XRN2: variants seen among roughly 807,000 people sequenced by gnomAD.
XRN2 encodes the protein DHM1-like protein.
In XRN2, 44 loss-of-function variants were observed where a neutral mutation model predicts 138.5. The observed-to-expected ratio is 0.32, with a 90% CI of 0.25 to 0.41. The LOEUF is 0.41. XRN2 is among the 10% of genes least tolerant of loss of function. The probability of loss-of-function intolerance (pLI) is 1.00; values close to 1 mark genes in which losing one functional copy is unlikely to be tolerated. For synonymous variants in XRN2, 354 were observed against 369.4 expected (o/e 0.96, Z 0.48); for missense variants, 937 against 1,169.3 (o/e 0.80, Z 2.90).
chr20:21,353,710 G>A (rs934326916), intron 20 of XRN2, among the ~76,000 whole-genome samples: 1 of 150,996 alleles, frequency 6.6e-6, no homozygotes, highest in Non-Finnish European at 1.5e-5. Context: ...TGGGAGGATT[G>A]CTTGAGCCTG....
chr20:21,356,558 A>G lies in XRN2; in HGVS notation c.2119-28A>G, dbSNP rs748249596. ...AGTCCCAGTTTTCCATTCTTTGCAT[A>G]TGAGATCAGGAATGCATTTTTCCAC... On this transcript the variant is annotated intron_variant, in intron 22 of 29. Coordinates refer to ENST00000377191, the MANE Select transcript of XRN2 (RefSeq NM_012255.5). 1.1e-5 allele frequency: 17 copies of G among 1,598,294 alleles called. No homozygotes were observed. In the Admixed American group the frequency reaches 2.2e-4, roughly 21 times the overall value.
chr20:21,333,457 G>A lies in XRN2; in HGVS notation c.859-87G>A, dbSNP rs541371764. On this transcript the variant is annotated intron_variant, in intron 9 of 29. Transcript: ENST00000377191. ...CTTGTGATATTAAAATGGATTGTGCGTTAGAAAAAGCCTTAAAATTTGCTT... is the reference window on the plus strand; with the variant it reads ...CTTGTGATATTAAAATGGATTGTGCATTAGAAAAAGCCTTAAAATTTGCTT... 115 of 1,325,300 alleles carry A rather than the reference G, an allele frequency of 8.7e-5. No homozygotes were observed. The African/African-American group carries it at 8.8e-4, about 10-fold the overall frequency. 82.1% of individuals were successfully genotyped at this position (1,325,300 alleles called of 1,614,324 possible).
intron 27 of XRN2, among the ~76,000 whole-genome samples, chr20:21,372,106 T>C (rs1360755377): frequency 2.0e-5 from 3 of 152,224 alleles, no homozygotes; most frequent in Admixed American, 6.5e-5. Context: ...TTGGGAGATA[T>C]GTTTTGTAAA....
chr20:21,330,303 A>AATAATG, intron 4 of XRN2, among the ~76,000 whole-genome samples, 178 bp from the exon 5 acceptor site: 1 of 152,154 alleles, frequency 6.6e-6, no homozygotes, highest in East Asian at 1.9e-4. Context: ...TAATAATAAT[A>AATAATG]ATTTAAATTT....
chr20:21,389,306 C>A lies in XRN2; in HGVS notation c.2821C>A (p.Pro941Thr). Residue 941 changes from proline (P) to threonine (T), a missense_variant, in exon 30 of 30, where the codon CCA becomes ACA. Transcript: ENST00000377191. ...CAGAGAAGGAAGGAAATACCCTTTG[C>A]CACCACCCTCAGGAAGATACAATTG... is the stretch of plus-strand genomic sequence containing the variant. Reference protein sequence around the residue: ...YPREGRKYPLPPPSGRYNWN With the variant: ...YPREGRKYPLTPPSGRYNWN 2 of 1,613,102 alleles carry A rather than the reference C, an allele frequency of 1.2e-6. No individual in the cohort carries two copies. Among genetic ancestry groups the A allele is most frequent in the Non-Finnish European group, 1.7e-6 (2 of 1,179,560 alleles).
At chr20:21,336,298 A>G (rs2038291744) in intron 13 of XRN2, among the ~76,000 whole-genome samples, 2 of 152,098 alleles carry the variant, frequency 1.3e-5, no homozygotes, top group South Asian at 2.1e-4. Context: ...CATCTCTACT[A>G]AAAATACAAA....
At position 21,333,819 on chromosome 20, in the gene XRN2, T is replaced by A; in HGVS notation, c.1049T>A (p.Leu350Ter). The A allele has an allele frequency of 6.2e-7, 1 of 1,614,170 alleles. No individual in the cohort carries two copies. The highest frequency in any genetic ancestry group is 8.5e-7 in the Non-Finnish European group (1 of 1,180,012). Residue 350 changes from leucine to a stop codon, truncating the protein, a stop_gained, in exon 11 of 30, where the codon TTG (leucine) becomes TAG (stop). Transcript: ENST00000377191. LOFTEE classifies it high-confidence loss of function. ...GTGGGAAATGACTTCCTCCCTCATT[T>A]GCCATCGTTAGAGATTAGGTATGTG... is the stretch of plus-strand genomic sequence containing the variant. ...FFVGNDFLPH[L>*]PSLEIRENAI...
chr20:21,382,134 A>G, intron 28 of XRN2, 77 bp downstream of exon 28: 2 of 1,277,198 alleles, frequency 1.6e-6, no homozygotes. Context: ...TATGGAAGCT[A>G]AAACCTCTGT....
intron 1 of XRN2, among the ~76,000 whole-genome samples, chr20:21,322,372 C>G (rs571343343): frequency 3.3e-5 from 5 of 152,270 alleles, no homozygotes; most frequent in African/African-American, 1.2e-4. Flanking sequence ...TTTTCATTAG[C>G]CCTTTGGCCA....
chr20:21,366,305 T>C (rs1239853218), intron 26 of XRN2, among the ~76,000 whole-genome samples: 2 of 147,086 alleles, frequency 1.4e-5, no homozygotes. Flanking sequence ...CCCAGCACTT[T>C]GGGAGGCTGA....
chr20:21,342,884 T>G (rs1383923382), intron 15 of XRN2, among the ~76,000 whole-genome samples: 1 of 152,218 alleles, frequency 6.6e-6, no homozygotes, highest in Non-Finnish European at 1.5e-5. Context: ...CAACAATACC[T>G]GCCTCGTTTT....
rs2038207287 is a variant in XRN2 at position 21,331,432 on chromosome 20, CACACA to C, written c.577-128_577-124del. 16 of 734,830 alleles carry C rather than the reference CACACA, an allele frequency of 2.2e-5. No individual in the cohort carries two copies. The East Asian group carries it at 3.0e-4, about 14-fold the overall frequency. The allele number at this position is 734,830 out of a possible 1,614,324, so 45.5% of individuals were successfully genotyped here. A position where few individuals can be genotyped will look rare whatever the true frequency, so the allele number is the denominator to read the frequency against. ...ACACACACACACACACACACACACA[CACACA>C]CCCTTATTCAGAAAATTTTCCCGTA... On this transcript the variant is annotated intron_variant, in intron 6 of 29. Coordinates refer to ENST00000377191, the MANE Select transcript of XRN2 (RefSeq NM_012255.5).
At chr20:21,328,490 T>C in intron 3 of XRN2, 69 bp from the exon 4 acceptor site, 1 of 1,442,454 alleles carries the variant, frequency 6.9e-7, no homozygotes, top group African/African-American at 1.4e-5. Context: ...AACAACTGAT[T>C]CAAAATAAGG....
chr20:21,328,157 A>G (rs977804263), intron 3 of XRN2, among the ~76,000 whole-genome samples: 2 of 152,204 alleles, frequency 1.3e-5, no homozygotes, highest in African/African-American at 4.8e-5. Flanking sequence ...GACATAGAGA[A>G]TGTCTTCCTG....
chr20:21,357,697 A>G (rs745670173), intron 23 of XRN2, 39 bp from the exon 24 acceptor site: 18 of 1,522,696 alleles, frequency 1.2e-5, no homozygotes, highest in Middle Eastern at 1.7e-4. Flanking sequence ...AAAAGGTTAC[A>G]GTTTACAGAG....
At chr20:21,329,880 TG>T in intron 4 of XRN2, among the ~76,000 whole-genome samples, 1 of 151,878 alleles carries the variant, frequency 6.6e-6, no homozygotes, top group South Asian at 2.1e-4. Context: ...TGTGTGTGTG[TG>T]TGTGTGTGTG....
At chr20:21,381,852 G>A (rs1361909486) in intron 27 of XRN2, 142 bp from the exon 28 acceptor site, 5 of 567,308 alleles carry the variant, frequency 8.8e-6, no homozygotes, top group Non-Finnish European at 5.7e-6. Context: ...TACATTTGTG[G>A]TGTGTGTTAT....
At position 21,368,608 on chromosome 20, in the gene XRN2, G is replaced by C; in HGVS notation, c.2584+18G>C. On this transcript the variant is annotated intron_variant, in intron 27 of 29. Coordinates refer to ENST00000377191, the MANE Select transcript of XRN2 (RefSeq NM_012255.5). Reference sequence around the variant, plus strand: ...TATGTCAAGTAAGCTTTTACAAATCGGTTATTTTACATTATAAATTAAATA... The same window carrying C: ...TATGTCAAGTAAGCTTTTACAAATCCGTTATTTTACATTATAAATTAAATA... The C allele has an allele frequency of 6.2e-7, 1 of 1,607,650 alleles. No individual in the cohort carries two copies. The highest frequency in any genetic ancestry group is 8.5e-7 in the Non-Finnish European group (1 of 1,178,092).
chr20:21,382,665 A>AATATT (rs1423236501), intron 28 of XRN2, among the ~76,000 whole-genome samples: 1 of 152,228 alleles, frequency 6.6e-6, no homozygotes, highest in Admixed American at 6.5e-5. Flanking sequence ...GCAGTCTAAT[A>AATATT]AGTACCATGG....
Sources: allele counts gnomAD v4.1 joint callset (sites outside exome capture counted in the v4.1 genomes callset), GRCh38; gene constraint gnomAD v4.1.1; transcripts MANE v1.5; gene names NCBI Gene and HGNC (gene_info 2026-07-23, HGNC 2026-07-21).